The following AIMP2 variants were observed in gnomAD, a reference collection of about 807,000 sequenced individuals.
AIMP2 encodes the protein aminoacyl tRNA synthetase complex interacting multifunctional protein 2, also known as aminoacyl tRNA synthase complex-interacting multifunctional protein 2.
A neutral mutation model predicts 23.4 loss-of-function variants in AIMP2; 20 were observed. The observed-to-expected ratio is 0.85, with a 90% CI of 0.60 to 1.24. The LOEUF is 1.24. Ranked by LOEUF, AIMP2 falls within the 50% of genes most tolerant of loss-of-function variation. The probability of loss-of-function intolerance (pLI) is 0.00; values close to 1 mark genes in which losing one functional copy is unlikely to be tolerated. For missense variants in AIMP2, 515 were observed against 414.5 expected (o/e 1.24, Z -2.10); for synonymous variants, 210 against 170.4 (o/e 1.23, Z -1.81).
In AIMP2 at chr7:6,009,450, C is replaced by A. The variant is rs780037791; in HGVS notation, c.87C>A (p.Asn29Lys). ...CCACCTGCATGTACCGGCTCCCCAA[C>A]GTGCACGGCAGGAGCTACGGCCCAG... The part of the protein sequence containing the change: ...ELPTCMYRLP[N>K]VHGRSYGPAP... Residue 29 changes from asparagine to lysine, a missense_variant, in exon 1 of 4, where the codon AAC becomes AAA. Transcript: ENST00000223029. The A allele has an allele frequency of 6.2e-6, 10 of 1,610,364 alleles. No individual in the cohort carries two copies. The highest frequency in any genetic ancestry group is 4.0e-5 in the African/African-American group (3 of 74,848).
At chr7:6,023,197 C>A (rs7781199) in intron 3 of AIMP2, 106 bp from the exon 4 acceptor site, 209,595 of 1,307,830 alleles carry the variant, frequency 0.16, 17,506 homozygotes, top group Middle Eastern at 0.18. Flanking sequence ...CACCCTTTCC[C>A]ATGTCATCAG....
In AIMP2 at chr7:6,009,472, C is replaced by T. The variant is rs6977072; in HGVS notation, c.109C>T (p.Pro37Ser). The T allele has an allele frequency of 1.3e-6, 2 of 1,589,830 alleles. No individual in the cohort carries two copies. The highest frequency in any genetic ancestry group is 2.7e-5 in the African/African-American group (2 of 73,386). Reference sequence around the variant, plus strand: ...CAACGTGCACGGCAGGAGCTACGGCCCAGCGCCGGGCGCTGGCCACGTGCA... The same window carrying T: ...CAACGTGCACGGCAGGAGCTACGGCTCAGCGCCGGGCGCTGGCCACGTGCA... The part of the protein sequence containing the change: ...LPNVHGRSYG[P>S]APGAGHVQEE... The change falls in exon 1 of 4, where the codon CCA becomes TCA. Residue 37 changes from proline to serine, a missense_variant. Physicochemically the swap from Pro to Ser is moderately conservative, Grantham distance 74 (BLOSUM62 -1). Transcript: ENST00000223029.
In AIMP2 at chr7:6,015,192, A is replaced by G. The variant is rs779417356; in HGVS notation, c.182A>G (p.Asp61Gly). The change falls in exon 2 of 4, where the codon GAT becomes GGT. Residue 61 changes from aspartate to glycine, a missense_variant. Transcript: ENST00000223029. Reference protein sequence around the residue: ...SLQALESRQDDILKRLYELKA... With the variant: ...SLQALESRQDGILKRLYELKA... ...CAAGCTCTTGAGTCCCGCCAAGATG[A>G]TATTTTAAAACGTCTGTATGAGTTG... The G allele has an allele frequency of 1.4e-5, 23 of 1,614,210 alleles. No individual in the cohort carries two copies. In the Admixed American group the frequency reaches 3.2e-4, roughly 22 times the overall value.
At position 6,009,451 on chromosome 7, in the gene AIMP2, G is replaced by C; in HGVS notation, c.88G>C (p.Val30Leu). The C allele has an allele frequency of 6.2e-7, 1 of 1,610,448 alleles. No homozygotes were observed. Among genetic ancestry groups the C allele is most frequent in the South Asian group, 1.1e-5 (1 of 90,916 alleles). ...LPTCMYRLPN[V>L]HGRSYGPAPG... Reference sequence around the variant, plus strand: ...CACCTGCATGTACCGGCTCCCCAACGTGCACGGCAGGAGCTACGGCCCAGC... The same window carrying C: ...CACCTGCATGTACCGGCTCCCCAACCTGCACGGCAGGAGCTACGGCCCAGC... Residue 30 changes from valine to leucine, a missense_variant, in exon 1 of 4, where the codon GTG (valine) becomes CTG (leucine). Val to Leu is a conservative substitution (Grantham distance 32). Coordinates refer to ENST00000223029, the MANE Select transcript of AIMP2 (RefSeq NM_006303.4).
chr7:6,018,447 C>A (rs533974822), intron 3 of AIMP2, among the ~76,000 whole-genome samples: 23 of 151,356 alleles, frequency 1.5e-4, no homozygotes, highest in African/African-American at 5.6e-4. Context: ...CAGGCCCGGG[C>A]CTCATGTGGA....
At chr7:6,016,951 C>G (rs993134687) in intron 2 of AIMP2, 3 of 159,198 alleles carry the variant, frequency 1.9e-5, no homozygotes. Context: ...AACTGTGGCC[C>G]CGAACCATTG....
intron 1 of AIMP2, among the ~76,000 whole-genome samples, chr7:6,013,485 T>G (rs1786827581): frequency 6.6e-6 from 1 of 152,068 alleles, no homozygotes; most frequent in South Asian, 2.1e-4. Context: ...GGTCTCGAAC[T>G]CCTGACCTCA....
chr7:6,009,600 C>G, intron 1 of AIMP2, 102 bp downstream of exon 1: 2 of 1,047,436 alleles, frequency 1.9e-6, no homozygotes, highest in South Asian at 2.8e-5. Flanking sequence ...GGTTCACGGC[C>G]CCACCCCGGC....
chr7:6,019,187 G>C (rs1335964029), intron 3 of AIMP2, among the ~76,000 whole-genome samples: 1 of 151,980 alleles, frequency 6.6e-6, no homozygotes, highest in Non-Finnish European at 1.5e-5. Context: ...GGTGTGAGCA[G>C]CTAATTCATC....
chr7:6,015,279 C>G lies in AIMP2; in HGVS notation c.269C>G (p.Thr90Ser). The G allele has an allele frequency of 1.2e-6, 2 of 1,614,142 alleles. No individual in the cohort carries two copies. Among genetic ancestry groups the G allele is most frequent in the Non-Finnish European group, 1.7e-6 (2 of 1,180,030 alleles). The change falls in exon 2 of 4, where the codon ACC becomes AGC. Residue 90 changes from threonine (T) to serine (S), a missense_variant. By Grantham distance (58) the Thr-to-Ser change is moderately conservative. Coordinates refer to ENST00000223029, the MANE Select transcript of AIMP2 (RefSeq NM_006303.4). ...IQTPDADLDV[T>S]NIIQADEPTT... ...ACACCAGATGCAGACTTGGATGTAA[C>G]CAACATAATCCAAGCGGATGAGCCC...
chr7:6,015,090 AAAC>A, intron 1 of AIMP2, 53 bp from the exon 2 acceptor site: 1 of 1,610,508 alleles, frequency 6.2e-7, no homozygotes, highest in Non-Finnish European at 8.5e-7. Flanking sequence ...GATCAAATTT[AAAC>A]AACACTGGTC....
intron 3 of AIMP2, 70 bp from the exon 4 acceptor site, chr7:6,023,233 T>C (rs1308401240): frequency 2.0e-6 from 3 of 1,499,962 alleles, no homozygotes; most frequent in South Asian, 2.7e-5. Flanking sequence ...GACTGTCCCC[T>C]TCCCCACTGT....
chr7:6,023,775 A>C lies in AIMP2; in HGVS notation c.*84A>C, dbSNP rs775756518. The C allele has an allele frequency of 1.6e-5, 26 of 1,604,868 alleles. No homozygotes were observed. In the African/African-American group the frequency reaches 3.3e-4, roughly 21 times the overall value. ...TTATCAGTAAGGGGACTTGTATTAG[A>C]GTCAGAGTCTTTTTATTTAGGCCAG... is the stretch of plus-strand genomic sequence containing the variant. On this transcript the variant is annotated 3_prime_UTR_variant, in exon 4 of 4. Transcript: ENST00000223029.
chr7:6,009,991 A>ATATATATATATATATATATATATATATG (rs1562717690), intron 1 of AIMP2, among the ~76,000 whole-genome samples: 1 of 113,532 alleles, frequency 8.8e-6, no homozygotes, highest in Non-Finnish European at 1.8e-5. Context: ...ATATATATAT[A>ATATATATATATATATATATATATATATG]TGTATGTATC....
At position 6,015,662 on chromosome 7, in the gene AIMP2, TGTG is replaced by T. The variant is rs145149014; in HGVS notation, c.342+314_342+316del. Among the ~76,000 whole-genome samples the T allele has an allele frequency of 3.3e-4, 51 of 152,330 alleles. No homozygotes were observed. The East Asian group carries it at 8.1e-3, about 24-fold the overall frequency. ...TGGCATGAACCCGGGCAGCAGAGCT[TGTG>T]GTGAGCGGAGATCGCGCCACTACAC... On this transcript the variant is annotated intron_variant, in intron 2 of 3. Transcript: ENST00000223029.
chr7:6,023,766 T>C lies in AIMP2; in HGVS notation c.*75T>C. 6.2e-7 allele frequency: 1 copy of C among 1,609,056 alleles called. No homozygotes were observed. The highest frequency in any genetic ancestry group is 8.5e-7 in the Non-Finnish European group (1 of 1,177,056). ...TCATGCCTATTATCAGTAAGGGGAC[T>C]TGTATTAGAGTCAGAGTCTTTTTAT... On this transcript the variant is annotated 3_prime_UTR_variant, in exon 4 of 4. Coordinates refer to ENST00000223029, the MANE Select transcript of AIMP2 (RefSeq NM_006303.4).
At chr7:6,015,854 G>T (rs1786997655) in intron 2 of AIMP2, among the ~76,000 whole-genome samples, 1 of 152,240 alleles carries the variant, frequency 6.6e-6, no homozygotes, top group Admixed American at 6.5e-5. Flanking sequence ...GTCAAAACAA[G>T]CTCTAAAGCC....
At chr7:6,010,276 C>G (rs1392620234) in intron 1 of AIMP2, among the ~76,000 whole-genome samples, 1 of 151,382 alleles carries the variant, frequency 6.6e-6, no homozygotes, top group Non-Finnish European at 1.5e-5. Flanking sequence ...CAAAGCGAAC[C>G]CCAGGGTCAC....
At chr7:6,018,178 G>A (rs532550510) in intron 3 of AIMP2, 133 bp downstream of exon 3, 156 of 714,118 alleles carry the variant, frequency 2.2e-4, no homozygotes, top group African/African-American at 1.5e-3. Context: ...ACAGAGTCTC[G>A]CTCTGTCACC....
Sources: gnomAD v4.1 joint callset for allele counts (sites outside exome capture counted in the v4.1 genomes callset) on GRCh38, gnomAD v4.1.1 for gene constraint, MANE v1.5 for transcripts, NCBI Gene and HGNC (gene_info 2026-07-23, HGNC 2026-07-21) for gene names.